The following ZNF559 variants were observed in gnomAD, a reference collection of about 807,000 sequenced individuals.
ZNF559 encodes the protein zinc finger protein 559.
ZNF559 carries 17 observed loss-of-function variants against 14.2 expected under a neutral mutation model. That is an observed-to-expected ratio of 1.20 (90% CI 0.82 to 1.80). The LOEUF (loss-of-function observed/expected upper bound fraction) is 1.80, where lower values mean the gene tolerates loss of function less well. Ranked by LOEUF, ZNF559 falls within the 40% of genes most tolerant of loss-of-function variation. ZNF559 has a pLI of 0.00. For missense variants in ZNF559, 740 were observed against 629.7 expected (o/e 1.18, Z -1.88); for synonymous variants, 244 against 212.4 (o/e 1.15, Z -1.29).
At chr19:9,328,331 C>G (rs2066743235) in intron 2 of ZNF559, among the ~76,000 whole-genome samples, 1 of 133,544 alleles carries the variant, frequency 7.5e-6, no homozygotes, top group Non-Finnish European at 1.6e-5. Flanking sequence ...ATTTGACATA[C>G]TATTAGGCTT....
At chr19:9,323,852 C>T (rs1275449834), upstream of ZNF559, 5 of 368,798 alleles carry the variant, frequency 1.4e-5, no homozygotes, top group South Asian at 9.9e-5. Context: ...TGTTTCGGAG[C>T]CCTTGAGCTG....
At chr19:9,326,254 C>T (rs2066596361) in intron 2 of ZNF559, among the ~76,000 whole-genome samples, 2 of 151,890 alleles carry the variant, frequency 1.3e-5, no homozygotes, top group African/African-American at 2.4e-5. Context: ...GAATTACAGG[C>T]GTGTGCCACC....
chr19:9,324,433 G>C (rs865898857), intron 1 of ZNF559: 7 of 1,439,658 alleles, frequency 4.9e-6, no homozygotes, highest in African/African-American at 2.9e-5. Flanking sequence ...AGGCGGCTGC[G>C]CTGGGGCCTC....
chr19:9,339,117 G>A, intron 4 of ZNF559, 76 bp from the exon 5 acceptor site: 3 of 1,601,862 alleles, frequency 1.9e-6, no homozygotes, highest in Non-Finnish European at 2.6e-6. Context: ...GGCATGCCAA[G>A]ACAAGGTCCC....
Position 9,344,901 on chromosome 19 carries a change from C to T in ZNF559, c.*1833C>T, listed in dbSNP as rs1467515279. The stretch of plus-strand genomic sequence containing the variant: ...AAACTGCACATGTTTTTAGCATACA[C>T]TTTAAGTTTGGACACATACACATAT... On this transcript the variant is annotated 3_prime_UTR_variant, in exon 7 of 7. Transcript: ENST00000603380. The T allele has an allele frequency of 6.6e-6, 1 of 152,168 alleles. No individual in the cohort carries two copies. The highest frequency in any genetic ancestry group is 1.5e-5 in the Non-Finnish European group (1 of 68,034). 9.4% of individuals were successfully genotyped at this position (152,168 alleles called of 1,614,324 possible). A position where few individuals can be genotyped will look rare whatever the true frequency, so the allele number is the denominator to read the frequency against.
Position 9,342,581 on chromosome 19 carries a change from G to A in ZNF559, c.1130G>A (p.Gly377Asp). Reference protein sequence around the residue: ...HLTVHMRTHTGEKPYQCKECG... With the variant: ...HLTVHMRTHTDEKPYQCKECG... ...ACTGTACATATGAGAACTCACACTGGTGAGAAGCCTTATCAATGTAAGGAA... is the reference window on the plus strand; with the variant it reads ...ACTGTACATATGAGAACTCACACTGATGAGAAGCCTTATCAATGTAAGGAA... Residue 377 changes from glycine to aspartate, a missense_variant, in exon 7 of 7, where the codon GGT becomes GAT. Coordinates refer to ENST00000603380, the MANE Select transcript of ZNF559 (RefSeq NM_032497.3). 1.2e-6 allele frequency: 2 copies of A among 1,614,046 alleles called. No individual in the cohort carries two copies. Among genetic ancestry groups the A allele is most frequent in the South Asian group, 1.1e-5 (1 of 91,068 alleles).
At position 9,343,705 on chromosome 19, in the gene ZNF559, C is replaced by T. The variant is rs2067671187; in HGVS notation, c.*637C>T. 1 of 986,516 alleles carries T rather than the reference C, an allele frequency of 1.0e-6. No individual in the cohort carries two copies. The highest frequency in any genetic ancestry group is 1.1e-4 in the East Asian group (1 of 8,834). 61.1% of individuals were successfully genotyped at this position (986,516 alleles called of 1,614,324 possible). A position where few individuals can be genotyped will look rare whatever the true frequency, so the allele number is the denominator to read the frequency against. The stretch of plus-strand genomic sequence containing the variant: ...ACATCCACACTGAAGAGGAACCTGA[C>T]TGTATGGAAGGTCAAAAAGGCTGTA... On this transcript the variant is annotated 3_prime_UTR_variant, in exon 7 of 7. Transcript: ENST00000603380.
Position 9,324,684 on chromosome 19 carries a change from T to G in ZNF559, c.-205-11T>G. Reference sequence around the variant, plus strand: ...GTCTCCACATCCAGCGTTGTGCCTTTTCTCTATAAGGAACAGCATCTCTGC... The same window carrying G: ...GTCTCCACATCCAGCGTTGTGCCTTGTCTCTATAAGGAACAGCATCTCTGC... On this transcript the variant is annotated splice_polypyrimidine_tract_variant and intron_variant, in intron 1 of 6. Coordinates refer to ENST00000603380, the MANE Select transcript of ZNF559 (RefSeq NM_032497.3). The G allele has an allele frequency of 6.5e-7, 1 of 1,532,074 alleles. No homozygotes were observed. 94.9% of individuals were successfully genotyped at this position (1,532,074 alleles called of 1,614,324 possible). A position where few individuals can be genotyped will look rare whatever the true frequency, so the allele number is the denominator to read the frequency against.
At chr19:9,338,145 C>A in intron 3 of ZNF559, 1 of 813,742 alleles carries the variant, frequency 1.2e-6, no homozygotes, top group South Asian at 1.5e-5. Context: ...AAAGTAGATA[C>A]GAATATTCTG....
intron 2 of ZNF559, among the ~76,000 whole-genome samples, chr19:9,325,701 G>T (rs538194393): frequency 1.3e-5 from 2 of 151,572 alleles, no homozygotes; most frequent in South Asian, 4.2e-4. Flanking sequence ...CAGGAGAATC[G>T]CTTGAACCTG....
chr19:9,333,064 A>G (rs147148417), intron 2 of ZNF559: 79 of 152,306 alleles, frequency 5.2e-4, no homozygotes, highest in African/African-American at 1.8e-3. Flanking sequence ...TGACCTCCCT[A>G]GGCTCAGGTG....
In ZNF559 at chr19:9,343,328, C is replaced by G; in HGVS notation, c.*260C>G. On this transcript the variant is annotated 3_prime_UTR_variant, in exon 7 of 7. Coordinates refer to ENST00000603380, the MANE Select transcript of ZNF559 (RefSeq NM_032497.3). ...AACAAACTGAACGTAGGAAACCTGT[C>G]GATGCTTACATCTTACTGAGTCTGT... is the stretch of plus-strand genomic sequence containing the variant. The G allele has an allele frequency of 8.1e-7, 1 of 1,237,506 alleles. No individual in the cohort carries two copies. The highest frequency in any genetic ancestry group is 1.0e-6 in the Non-Finnish European group (1 of 983,962). The allele number at this position is 1,237,506 out of a possible 1,614,324, so 76.7% of individuals were successfully genotyped here.
intron 2 of ZNF559, among the ~76,000 whole-genome samples, chr19:9,334,061 A>C (rs2067090710): frequency 1.3e-5 from 2 of 152,244 alleles, no homozygotes; most frequent in African/African-American, 4.8e-5. Context: ...ATATGTTTTG[A>C]AAAACAGTTT....
At chr19:9,331,291 G>T (rs1043772301) in intron 2 of ZNF559, among the ~76,000 whole-genome samples, 2 of 152,154 alleles carry the variant, frequency 1.3e-5, no homozygotes, top group African/African-American at 4.8e-5. Context: ...TAGAGATGGG[G>T]TCTTGCTATG....
At chr19:9,333,981 G>C in intron 2 of ZNF559, among the ~76,000 whole-genome samples, 1 of 87,394 alleles carries the variant, frequency 1.1e-5, no homozygotes, top group African/African-American at 6.1e-5. Context: ...AATCCAAAAA[G>C]AGTTACGAGA....
rs1003787099 is a variant in ZNF559, at chr19:9,343,760, G to A, written c.*692G>A. 2 of 985,720 alleles carry A rather than the reference G, an allele frequency of 2.0e-6. No individual in the cohort carries two copies. The highest frequency in any genetic ancestry group is 3.5e-5 in the African/African-American group (2 of 57,324). 61.1% of individuals were successfully genotyped at this position (985,720 alleles called of 1,614,324 possible). ...TTTACATGCAAAAAGTCACACTAGA[G>A]GAATGCCATATCAGAATGCTTTTGG... On this transcript the variant is annotated 3_prime_UTR_variant, in exon 7 of 7. Coordinates refer to ENST00000603380, the MANE Select transcript of ZNF559 (RefSeq NM_032497.3).
In ZNF559 at chr19:9,340,567, T is replaced by TTAAAAAA. The variant is rs1555730376; in HGVS notation, c.161-535_161-534insTAAAAAA. Among the ~76,000 whole-genome samples, 55 of 75,784 alleles carry TTAAAAAA rather than the reference T, an allele frequency of 7.3e-4. 1 individual carries two copies. The highest frequency in any genetic ancestry group is 1.1e-3 in the Admixed American group (7 of 6,416). The allele number at this position is 75,784 out of a possible 152,430, so 49.7% of individuals were successfully genotyped here. On this transcript the variant is annotated intron_variant, in intron 5 of 6. Coordinates refer to ENST00000603380, the MANE Select transcript of ZNF559 (RefSeq NM_032497.3). ...TTTCTTTTTTTTCTCTCTCTGTCTCTAAAAAAAAAAAAAAAAAAAAAAAAG... is the reference window on the plus strand; with the variant it reads ...TTTCTTTTTTTTCTCTCTCTGTCTCTTAAAAAAAAAAAAAAAAAAAAAAAAAAAAAAG...
In ZNF559 at chr19:9,343,211, A is replaced by G. The variant is rs531704304; in HGVS notation, c.*143A>G. The G allele has an allele frequency of 5.5e-6, 8 of 1,460,078 alleles. No individual in the cohort carries two copies. In the South Asian group the frequency reaches 1.2e-4, roughly 21 times the overall value. 90.4% of individuals were successfully genotyped at this position (1,460,078 alleles called of 1,614,324 possible). ...TGGTGTCTCAGATCTTAACAATTCC[A>G]ATAGAAGAGAAGACATATGAATGTA... On this transcript the variant is annotated 3_prime_UTR_variant, in exon 7 of 7. Coordinates refer to ENST00000603380, the MANE Select transcript of ZNF559 (RefSeq NM_032497.3).
chr19:9,334,428 A>G (rs1016925750), intron 2 of ZNF559, among the ~76,000 whole-genome samples: 2 of 152,236 alleles, frequency 1.3e-5, no homozygotes, highest in African/African-American at 2.4e-5. Flanking sequence ...CGGTAAAAGG[A>G]AAAGAACTAT....
Sources: allele counts gnomAD v4.1 joint callset (sites outside exome capture counted in the v4.1 genomes callset), GRCh38; gene constraint gnomAD v4.1.1; transcripts MANE v1.5; gene names NCBI Gene and HGNC (gene_info 2026-07-23, HGNC 2026-07-21).